The following SNX8 variants were observed in gnomAD, a reference collection of about 807,000 sequenced individuals.
SNX8 encodes sorting nexin 8.
Under a neutral mutation model 51.6 loss-of-function variants are expected in SNX8, and 25 were observed. The ratio of observed to expected loss-of-function variants is 0.48; its 90% confidence interval spans 0.35 to 0.68. The LOEUF (loss-of-function observed/expected upper bound fraction) is 0.68, where lower values mean the gene tolerates loss of function less well. SNX8 is among the 30% of genes least tolerant of loss of function. SNX8 has a pLI of 0.00. For synonymous variants in SNX8, 324 were observed against 277.0 expected, an observed-to-expected ratio of 1.17 and a Z score of -1.68; for missense variants, 695 against 624.0, an observed-to-expected ratio of 1.11 and a Z score of -1.21.
In SNX8 at chr7:2,275,229, G is replaced by C; in HGVS notation, c.301C>G (p.Arg101Gly). 1.9e-6 allele frequency: 3 copies of C among 1,605,070 alleles called. No homozygotes were observed. The highest frequency in any genetic ancestry group is 2.6e-6 in the Non-Finnish European group (3 of 1,171,794). ...CGTCTGTATACCGAGGACTTGAAGC[G>C]CTGCAAGAGAAGGGTCGGTGCTTAG... The part of the protein sequence containing the change: ...KHVEYEVSSQ[R>G]FKSSVYRRYN... Residue 101 changes from arginine to glycine, a missense_variant and splice_region_variant, in exon 3 of 11, where the codon CGC (arginine) becomes GGC (glycine). By Grantham distance (125) the Arg-to-Gly change is moderately radical. Transcript: ENST00000222990.
At chr7:2,314,230 G>C (rs1414371218) in intron 1 of SNX8, 98 bp downstream of exon 1, 2 of 1,179,996 alleles carry the variant, frequency 1.7e-6, no homozygotes, top group East Asian at 3.4e-5. Flanking sequence ...GGCAGGAAAC[G>C]AGTCGGGGAC....
At chr7:2,338,237 C>T (rs1583122799) in intron 1 of SNX8, among the ~76,000 whole-genome samples, 3 of 151,466 alleles carry the variant, frequency 2.0e-5, no homozygotes, top group Admixed American at 6.6e-5. Flanking sequence ...CCGAGGCGGG[C>T]GGATCACGAG....
chr7:2,264,500 G>A (rs188628302), intron 5 of SNX8, 42 bp from the exon 6 acceptor site: 2 of 1,577,792 alleles, frequency 1.3e-6, no homozygotes, highest in East Asian at 2.3e-5. Flanking sequence ...TTAGTCGCTG[G>A]GGAGCACCTG....
intron 10 of SNX8, among the ~76,000 whole-genome samples, chr7:2,256,408 C>G (rs571831864): frequency 1.2e-4 from 18 of 152,270 alleles, no homozygotes; most frequent in Non-Finnish European, 2.5e-4. Flanking sequence ...CTGCAGTGAG[C>G]TGGCCACCAG....
intron 5 of SNX8, among the ~76,000 whole-genome samples, chr7:2,267,598 T>C (rs1007881603): frequency 1.4e-5 from 2 of 142,866 alleles, no homozygotes; most frequent in Non-Finnish European, 3.1e-5. Context: ...GCAGACGGAG[T>C]CTCGTTCACT....
chr7:2,297,796 C>G (rs74429066), intron 1 of SNX8, among the ~76,000 whole-genome samples: 3,223 of 151,706 alleles, frequency 0.021, 148 homozygotes, highest in African/African-American at 0.074. Flanking sequence ...GATCAGAAAC[C>G]CAAATACCAC....
chr7:2,300,829 G>A (rs1030901518), intron 1 of SNX8, among the ~76,000 whole-genome samples: 4 of 152,040 alleles, frequency 2.6e-5, no homozygotes, highest in African/African-American at 9.7e-5. Flanking sequence ...TTTTAGTAGA[G>A]ACGGGGTTTC....
intron 3 of SNX8, among the ~76,000 whole-genome samples, chr7:2,272,394 G>A (rs1795670584): frequency 6.8e-6 from 1 of 147,930 alleles, no homozygotes; most frequent in Non-Finnish European, 1.5e-5. Flanking sequence ...TTTTTTTTGA[G>A]ACAGAGTTTC....
At chr7:2,330,906 C>T (rs922695832) in intron 1 of SNX8, among the ~76,000 whole-genome samples, 7 of 151,770 alleles carry the variant, frequency 4.6e-5, no homozygotes, top group Non-Finnish European at 8.8e-5. Context: ...TCCTAGACAC[C>T]GGGCGCGGTG....
At chr7:2,276,369 C>CGGTCCTCCAAGGG (rs1562433233) in intron 2 of SNX8, among the ~76,000 whole-genome samples, 1 of 152,234 alleles carries the variant, frequency 6.6e-6, no homozygotes, top group Non-Finnish European at 1.5e-5. Flanking sequence ...GGCTCTGACA[C>CGGTCCTCCAAGGG]GGTCCTCCAA....
intron 4 of SNX8, among the ~76,000 whole-genome samples, chr7:2,271,009 C>T (rs1795631935): frequency 6.6e-6 from 1 of 152,216 alleles, no homozygotes; most frequent in African/African-American, 2.4e-5. Flanking sequence ...CTGGCAGCTG[C>T]TTCCTCCTCC....
intron 1 of SNX8, among the ~76,000 whole-genome samples, chr7:2,307,573 A>T (rs959636086): frequency 7.0e-6 from 1 of 142,658 alleles, no homozygotes; most frequent in Admixed American, 7.7e-5. Context: ...CGGAGGGTGC[A>T]GTGTGCCGAG....
At chr7:2,302,144 T>C (rs1010025855) in intron 1 of SNX8, among the ~76,000 whole-genome samples, 1 of 152,134 alleles carries the variant, frequency 6.6e-6, no homozygotes. Context: ...GGTCTCCCTC[T>C]GATGCCGAGC....
chr7:2,321,008 ACT>A (rs1176134755), intron 1 of SNX8, among the ~76,000 whole-genome samples: 6 of 152,114 alleles, frequency 3.9e-5, no homozygotes, highest in African/African-American at 9.7e-5. Context: ...TGACAGTGAA[ACT>A]CTGTCTCACA....
chr7:2,338,461 CAA>C (rs11352621), intron 1 of SNX8, among the ~76,000 whole-genome samples: 154 of 129,202 alleles, frequency 1.2e-3, no homozygotes, highest in Middle Eastern at 4.3e-3. Context: ...GACTGTGTCT[CAA>C]AAAAAAAAAA....
rs1298044184 is a variant in SNX8 at position 2,296,129 on chromosome 7, G to C, written c.95-17824C>G. On this transcript the variant is annotated intron_variant, in intron 1 of 10. Transcript: ENST00000222990. ...CTGTGAAAAATGACGTTGGTATCTTGGTAGGAATCACACTGACTCTGTAGA... is the reference window on the plus strand; with the variant it reads ...CTGTGAAAAATGACGTTGGTATCTTCGTAGGAATCACACTGACTCTGTAGA... Among the ~76,000 whole-genome samples the C allele has an allele frequency of 2.0e-5, 3 of 152,068 alleles. No individual in the cohort carries two copies. The East Asian group carries it at 5.8e-4, about 29-fold the overall frequency.
intron 1 of SNX8, among the ~76,000 whole-genome samples, chr7:2,330,777 A>C (rs10264281): frequency 6.6e-6 from 1 of 151,906 alleles, no homozygotes; most frequent in Non-Finnish European, 1.5e-5. Flanking sequence ...CTGTGGGGGA[A>C]TGAGAATGCA....
chr7:2,327,795 G>A (rs563613799), intron 1 of SNX8, among the ~76,000 whole-genome samples: 11 of 152,272 alleles, frequency 7.2e-5, no homozygotes, highest in Admixed American at 7.2e-4. Context: ...GCCCGCCTTG[G>A]CCTCCCAAAG....
At chr7:2,271,611 G>A (rs112436320) in intron 4 of SNX8, among the ~76,000 whole-genome samples, 3,661 of 152,296 alleles carry the variant, frequency 0.024, 64 homozygotes, top group Non-Finnish European at 0.038. Context: ...AGTGACCACA[G>A]AGATCCATGA....
Sources: allele counts gnomAD v4.1 joint callset (sites outside exome capture counted in the v4.1 genomes callset), GRCh38; gene constraint gnomAD v4.1.1; transcripts MANE v1.5; gene names NCBI Gene and HGNC (gene_info 2026-07-23, HGNC 2026-07-21).